Variants in TAFA5 observed in about 807,000 individuals in gnomAD.
TAFA5 encodes TAFA chemokine like family member 5.
TAFA5 carries 6 observed loss-of-function variants against 15.3 expected under a neutral mutation model. That is an observed-to-expected ratio of 0.39 (90% CI 0.21 to 0.77). The LOEUF (loss-of-function observed/expected upper bound fraction) is 0.77, where lower values mean the gene tolerates loss of function less well. Among genes scored for constraint, TAFA5 ranks in the 30% least tolerant of loss-of-function variants. The pLI is 0.41. For synonymous variants in TAFA5, 103 were observed against 80.7 expected (o/e 1.28, Z -1.48); for missense variants, 161 against 193.1 (o/e 0.83, Z 0.98).
intron 2 of TAFA5, among the ~76,000 whole-genome samples, chr22:48,691,997 A>G (rs1282165656): frequency 6.6e-6 from 1 of 152,138 alleles, no homozygotes; most frequent in African/African-American, 2.4e-5. Context: ...CTGTGCCACC[A>G]GCTCCTAGGG....
At chr22:48,696,306 G>A (rs530100764) in intron 2 of TAFA5, among the ~76,000 whole-genome samples, 60 of 152,230 alleles carry the variant, frequency 3.9e-4, no homozygotes, top group African/African-American at 1.3e-3. Context: ...CATAGCAGGT[G>A]CCTTCCTGTC....
intron 2 of TAFA5, among the ~76,000 whole-genome samples, chr22:48,679,781 T>G (rs71314874): frequency 4.8e-5 from 6 of 124,298 alleles, no homozygotes; most frequent in African/African-American, 2.2e-4. Context: ...CCCGGCTCCC[T>G]GTCCATCCCT....
At chr22:48,660,546 C>T (rs142980550) in intron 2 of TAFA5, among the ~76,000 whole-genome samples, 16 of 152,332 alleles carry the variant, frequency 1.1e-4, no homozygotes, top group Non-Finnish European at 1.9e-4. Context: ...ATAAAATGCC[C>T]GGCAGCCCCC....
At chr22:48,554,715 C>T (rs925402525) in intron 1 of TAFA5, among the ~76,000 whole-genome samples, 1 of 152,170 alleles carries the variant, frequency 6.6e-6, no homozygotes, top group Non-Finnish European at 1.5e-5. Context: ...TTCAAAATTT[C>T]CTGGGTGTCT....
intron 2 of TAFA5, among the ~76,000 whole-genome samples, chr22:48,665,769 T>C (rs981175246): frequency 1.3e-5 from 2 of 152,218 alleles, no homozygotes; most frequent in Non-Finnish European, 2.9e-5. Flanking sequence ...TCTCATCCGC[T>C]GAAAGCCGGA....
intron 1 of TAFA5, among the ~76,000 whole-genome samples, chr22:48,498,282 A>AG (rs1156693437): frequency 4.8e-5 from 6 of 125,036 alleles, no homozygotes; most frequent in Admixed American, 7.9e-5. Context: ...GCCCACCTGG[A>AG]GGCGGGGCTG....
intron 1 of TAFA5, among the ~76,000 whole-genome samples, chr22:48,492,052 A>G (rs777045508): frequency 6.6e-6 from 1 of 152,246 alleles, no homozygotes; most frequent in Non-Finnish European, 1.5e-5. Flanking sequence ...TGGAGAAATT[A>G]AAACATTTCA....
At chr22:48,722,643 A>G (rs130188) in intron 3 of TAFA5, among the ~76,000 whole-genome samples, 105,433 of 151,818 alleles carry the variant, frequency 0.69, 37,722 homozygotes, top group African/African-American at 0.77. Context: ...ACCACGGCAC[A>G]TGTATACCTA....
intron 3 of TAFA5, among the ~76,000 whole-genome samples, chr22:48,726,157 C>T (rs1929708595): frequency 6.6e-6 from 1 of 152,312 alleles, no homozygotes. Context: ...ATTGAAACAT[C>T]GTTTTACTTA....
chr22:48,561,038 G>C (rs1228381103), intron 1 of TAFA5, among the ~76,000 whole-genome samples: 1 of 152,184 alleles, frequency 6.6e-6, no homozygotes, highest in East Asian at 1.9e-4. Flanking sequence ...TCTGGGTCTG[G>C]CTGTGGCAGG....
chr22:48,608,005 A>G (rs1209337572), intron 1 of TAFA5, among the ~76,000 whole-genome samples: 1 of 122,658 alleles, frequency 8.2e-6, no homozygotes, highest in East Asian at 2.0e-4. Context: ...AGGCCTGGGG[A>G]ACGTGGAGGG....
intron 1 of TAFA5, among the ~76,000 whole-genome samples, chr22:48,614,804 G>A (rs1445181068): frequency 3.9e-5 from 6 of 152,208 alleles, no homozygotes; most frequent in Non-Finnish European, 5.9e-5. Flanking sequence ...TCCAGCACTT[G>A]TAGTGTGTGA....
chr22:48,557,429 G>T (rs1923079267), intron 1 of TAFA5, among the ~76,000 whole-genome samples: 1 of 152,196 alleles, frequency 6.6e-6, no homozygotes, highest in Admixed American at 6.5e-5. Context: ...CTCCAGGGCT[G>T]CGAGGACATG....
intron 1 of TAFA5, among the ~76,000 whole-genome samples, chr22:48,575,427 G>C (rs1214642865): frequency 6.8e-6 from 1 of 146,698 alleles, no homozygotes; most frequent in Non-Finnish European, 1.5e-5. Flanking sequence ...AGGCTGCGCG[G>C]GCCCGGCCAC....
intron 1 of TAFA5, among the ~76,000 whole-genome samples, chr22:48,580,374 G>C (rs1381999053): frequency 6.6e-6 from 1 of 152,240 alleles, no homozygotes; most frequent in Non-Finnish European, 1.5e-5. Context: ...CTATCTGTTA[G>C]ATGGATCAGT....
chr22:48,558,341 T>C (rs2147130567), intron 1 of TAFA5, among the ~76,000 whole-genome samples: 1 of 152,326 alleles, frequency 6.6e-6, no homozygotes, highest in Non-Finnish European at 1.5e-5. Flanking sequence ...ATTTTACACA[T>C]AGACAAATTA....
intron 2 of TAFA5, among the ~76,000 whole-genome samples, chr22:48,659,847 C>T (rs764794223): frequency 1.3e-5 from 2 of 152,218 alleles, no homozygotes; most frequent in Non-Finnish European, 2.9e-5. Context: ...CATACAGTCC[C>T]CATGCTGTCT....
Position 48,552,488 on chromosome 22 carries a change from G to A in TAFA5, c.112+62784G>A, listed in dbSNP as rs940153772. On this transcript the variant is annotated intron_variant, in intron 1 of 3. Transcript: ENST00000402357. The surrounding 1 kb of genome is among the most constrained non-coding windows in gnomAD (Gnocchi z 4.1). ...CGTGTACATCCTCTCTCGGGGTCCT[G>A]CAGGCCACGAGGTGGGCAGCCTGCT... Among the ~76,000 whole-genome samples, 1 of 152,128 alleles carries A rather than the reference G, an allele frequency of 6.6e-6. No individual in the cohort carries two copies. Among genetic ancestry groups the A allele is most frequent in the Non-Finnish European group, 1.5e-5 (1 of 68,002 alleles).
chr22:48,501,941 G>GC (rs1920954585), intron 1 of TAFA5, among the ~76,000 whole-genome samples: 2 of 152,206 alleles, frequency 1.3e-5, no homozygotes, highest in African/African-American at 4.8e-5. Context: ...TCACTTCAGG[G>GC]CACCCCATCC....
Sources: gnomAD v4.1 joint callset for allele counts (sites outside exome capture counted in the v4.1 genomes callset) on GRCh38, gnomAD v4.1.1 for gene constraint, Gnocchi (gnomAD v3.1) non-coding constraint, MANE v1.5 for transcripts, NCBI Gene and HGNC (gene_info 2026-07-23, HGNC 2026-07-21) for gene names.